The following RASAL2 variants were observed in gnomAD, a reference collection of about 807,000 sequenced individuals.
RASAL2 encodes the protein ras GTPase-activating protein nGAP.
A neutral mutation model predicts 128.9 loss-of-function variants in RASAL2; 58 were observed. The ratio of observed to expected loss-of-function variants is 0.45; its 90% CI spans 0.36 to 0.56. The LOEUF (loss-of-function observed/expected upper bound fraction) is 0.56, where lower values mean the gene tolerates loss of function less well. RASAL2 is among the 20% of genes least tolerant of loss of function. RASAL2 has a pLI of 0.00. For synonymous variants in RASAL2, 561 were observed against 580.8 expected (o/e 0.97, Z 0.49); for missense variants, 1,360 against 1,601.6 (o/e 0.85, Z 2.57).
At position 178,319,669 on chromosome 1, in the gene RASAL2, A is replaced by G. The variant is rs867804030; in HGVS notation, c.457+19551A>G. On this transcript the variant is annotated intron_variant, in intron 3 of 17. Transcript: ENST00000367649. ...TCAGCTCCTTTAATCACTTCTCTGT[A>G]TTAGTTATTCTAGTTATACATTCTT... 5.7e-4 allele frequency among the ~76,000 whole-genome samples: 84 copies of G among 148,206 alleles called. 1 individual carries two copies. The highest frequency in any genetic ancestry group is 1.9e-3 in the African/African-American group (73 of 38,246).
intron 3 of RASAL2, among the ~76,000 whole-genome samples, chr1:178,373,927 A>C (rs536273947): frequency 1.3e-5 from 2 of 152,110 alleles, no homozygotes; most frequent in African/African-American, 2.4e-5. Context: ...TGGGTAGTCA[A>C]TTCCCGATTA....
chr1:178,132,766 A>ATTTT (rs35326037), intron 1 of RASAL2, among the ~76,000 whole-genome samples: 1 of 130,060 alleles, frequency 7.7e-6, no homozygotes, highest in Non-Finnish European at 1.6e-5. Context: ...ACAATTCAGA[A>ATTTT]TTTTTTTTTT....
At position 178,308,561 on chromosome 1, in the gene RASAL2, G is replaced by A. The variant is rs566664655; in HGVS notation, c.457+8443G>A. On this transcript the variant is annotated intron_variant, in intron 3 of 17. Transcript: ENST00000367649. ...TAGCTTTTTTTTTTTTTTTTTTGGA[G>A]GCAGGGTCTCACTCTGTTGCCCAGG... Among the ~76,000 whole-genome samples, 440 of 140,226 alleles carry A rather than the reference G, an allele frequency of 3.1e-3. 2 individuals are homozygous for A. Among genetic ancestry groups the A allele is most frequent in the Non-Finnish European group, 4.8e-3 (317 of 65,732 alleles). The allele number at this position is 140,226 out of a possible 152,430, so 92.0% of individuals were successfully genotyped here. A position where few individuals can be genotyped will look rare whatever the true frequency, so the allele number is the denominator to read the frequency against.
chr1:178,370,972 A>T (rs941379799), intron 3 of RASAL2, among the ~76,000 whole-genome samples: 4 of 152,110 alleles, frequency 2.6e-5, no homozygotes, highest in Non-Finnish European at 4.4e-5. Flanking sequence ...TCTTAGGAAA[A>T]GAGCTAGTGT....
rs575376912 is a variant in RASAL2 at position 178,454,389 on chromosome 1, A to C, written c.2010-58A>C. On this transcript the variant is annotated intron_variant, in intron 11 of 17. Coordinates refer to ENST00000367649, the MANE Select transcript of RASAL2 (RefSeq NM_170692.4). The stretch of plus-strand genomic sequence containing the variant: ...TAATAGTTCTGTGTAATGTCAAATC[A>C]AAATGATCATATCTCTCTTGAATAT... 3.8e-3 allele frequency: 5,434 copies of C among 1,421,692 alleles called. 20 individuals carry two copies. Among genetic ancestry groups the C allele is most frequent in the Non-Finnish European group, 4.3e-3 (4,359 of 1,015,036 alleles). 88.1% of individuals were successfully genotyped at this position (1,421,692 alleles called of 1,614,324 possible). A position where few individuals can be genotyped will look rare whatever the true frequency, so the allele number is the denominator to read the frequency against.
At chr1:178,173,524 C>T (rs933192062) in intron 1 of RASAL2, among the ~76,000 whole-genome samples, 5 of 152,014 alleles carry the variant, frequency 3.3e-5, no homozygotes, top group Admixed American at 1.3e-4. Flanking sequence ...TTACACATTT[C>T]GTATGTATGT....
chr1:178,468,285 A>T (rs1647943620), intron 17 of RASAL2, among the ~76,000 whole-genome samples: 1 of 152,232 alleles, frequency 6.6e-6, no homozygotes, highest in African/African-American at 2.4e-5. Flanking sequence ...AAGATAGCCG[A>T]TCCAGGTTTG....
At position 178,442,709 on chromosome 1, in the gene RASAL2, T is replaced by C. The variant is rs1186148011; in HGVS notation, c.962T>C (p.Leu321Ser). Residue 321 changes from leucine to serine, a missense_variant, in exon 8 of 18, where the codon TTA (leucine) becomes TCA (serine). Physicochemically the swap from Leu to Ser is moderately radical, Grantham distance 145. Transcript: ENST00000367649. The stretch of plus-strand genomic sequence containing the variant: ...AGGCGAGCTGAAAATGTTCTTCGTT[T>C]ATGGATCATTGAAGCCAAGGACCTT... ...NCRRAENVLR[L>S]WIIEAKDLAP... 6.2e-7 allele frequency: 1 copy of C among 1,612,606 alleles called. No individual in the cohort carries two copies. Among genetic ancestry groups the C allele is most frequent in the East Asian group, 2.2e-5 (1 of 44,870 alleles).
At chr1:178,280,204 A>G (rs754498124) in intron 1 of RASAL2, among the ~76,000 whole-genome samples, 2 of 152,284 alleles carry the variant, frequency 1.3e-5, no homozygotes, top group Non-Finnish European at 2.9e-5. Flanking sequence ...TTCCAACTAC[A>G]TATTTGTGAG....
At chr1:178,447,990 G>C (rs1048865291) in intron 9 of RASAL2, among the ~76,000 whole-genome samples, 1 of 152,112 alleles carries the variant, frequency 6.6e-6, no homozygotes, top group African/African-American at 2.4e-5. Context: ...GAAATCTCAG[G>C]GGTTTTAGAT....
At chr1:178,324,036 T>G (rs1332901218) in intron 3 of RASAL2, among the ~76,000 whole-genome samples, 1 of 152,220 alleles carries the variant, frequency 6.6e-6, no homozygotes, top group East Asian at 1.9e-4. Context: ...TGAAGTTGTC[T>G]TAACCTGGAT....
chr1:178,455,697 G>A (rs1677723985), intron 12 of RASAL2, among the ~76,000 whole-genome samples: 1 of 152,118 alleles, frequency 6.6e-6, no homozygotes, highest in Admixed American at 6.5e-5. Flanking sequence ...CAACATTATT[G>A]AGCAAGTAAA....
intron 3 of RASAL2, among the ~76,000 whole-genome samples, chr1:178,353,762 T>G (rs1156518727): frequency 6.6e-6 from 1 of 152,204 alleles, no homozygotes; most frequent in Non-Finnish European, 1.5e-5. Flanking sequence ...TGTAACCTAA[T>G]CAGTGGAGTG....
At chr1:178,395,742 C>T (rs1041146829) in intron 4 of RASAL2, among the ~76,000 whole-genome samples, 2 of 145,832 alleles carry the variant, frequency 1.4e-5, no homozygotes, top group Non-Finnish European at 1.5e-5. Flanking sequence ...AATAGGATCG[C>T]CCTCCAGTGA....
intron 1 of RASAL2, among the ~76,000 whole-genome samples, chr1:178,193,112 G>A (rs72705029): frequency 0.033 from 5,011 of 152,198 alleles, 111 homozygotes; most frequent in Non-Finnish European, 0.052. Context: ...ACGTTTGAGG[G>A]AACTCATCCC....
At chr1:178,469,743 C>A (rs976525254) in intron 17 of RASAL2, among the ~76,000 whole-genome samples, 1 of 152,150 alleles carries the variant, frequency 6.6e-6, no homozygotes, top group Non-Finnish European at 1.5e-5. Context: ...CAGCTCCTTC[C>A]ACTGACCACT....
intron 4 of RASAL2, among the ~76,000 whole-genome samples, chr1:178,405,449 C>G (rs757414955): frequency 1.8e-4 from 27 of 152,166 alleles, no homozygotes; most frequent in Non-Finnish European, 2.6e-4. Context: ...AGGATTAAGG[C>G]TAAGGACCTT....
At position 178,440,685 on chromosome 1, in the gene RASAL2, T is replaced by G. The variant is rs541032552; in HGVS notation, c.829-864T>G. On this transcript the variant is annotated intron_variant, in intron 6 of 17. Coordinates refer to ENST00000367649, the MANE Select transcript of RASAL2 (RefSeq NM_170692.4). ...ATTTGCGGAACTCAGTTCATTAGGCTGTATATCAAGCCCAGAGTTAGGTGC... is the reference window on the plus strand; with the variant it reads ...ATTTGCGGAACTCAGTTCATTAGGCGGTATATCAAGCCCAGAGTTAGGTGC... Among the ~76,000 whole-genome samples, 13 of 152,184 alleles carry G rather than the reference T, an allele frequency of 8.5e-5. 1 individual carries two copies. The highest frequency in any genetic ancestry group is 1.6e-4 in the Non-Finnish European group (11 of 68,022).
At chr1:178,175,064 A>G (rs562168608) in intron 1 of RASAL2, among the ~76,000 whole-genome samples, 2 of 152,264 alleles carry the variant, frequency 1.3e-5, no homozygotes, top group African/African-American at 4.8e-5. Context: ...ATGTCACTGA[A>G]TTGACTATTG....
Sources: gnomAD v4.1 joint callset for allele counts (sites outside exome capture counted in the v4.1 genomes callset) on GRCh38, gnomAD v4.1.1 for gene constraint, MANE v1.5 for transcripts, NCBI Gene and HGNC (gene_info 2026-07-23, HGNC 2026-07-21) for gene names.